EPHA3: variants seen among roughly 807,000 people sequenced by gnomAD.
EPHA3 encodes EPH receptor A3, also known as ephrin type-A receptor 3.
A neutral mutation model predicts 107.1 loss-of-function variants in EPHA3; 42 were observed. The observed-to-expected ratio is 0.39, with a 90% CI of 0.31 to 0.51. The LOEUF is 0.51. Among genes scored for constraint, EPHA3 ranks in the 20% least tolerant of loss-of-function variants. The pLI is 0.78. For missense variants in EPHA3, 1,183 were observed against 1,211.2 expected (o/e 0.98, Z 0.35); for synonymous variants, 461 against 424.8 (o/e 1.09, Z -1.05).
chr3:89,466,539 C>T (rs954209443), intron 15 of EPHA3, among the ~76,000 whole-genome samples: 7 of 133,460 alleles, frequency 5.2e-5, no homozygotes, highest in African/African-American at 1.5e-4. Context: ...TGTGGTGCGC[C>T]GTTTCTTAAG....
intron 13 of EPHA3, among the ~76,000 whole-genome samples, chr3:89,447,857 GCT>G (rs1709907057): frequency 6.6e-6 from 1 of 152,080 alleles, no homozygotes; most frequent in Non-Finnish European, 1.5e-5. Context: ...CCCCTAAATT[GCT>G]AATCCATTTG....
chr3:89,437,425 G>GAA (rs532123352), intron 13 of EPHA3, among the ~76,000 whole-genome samples: 2 of 145,270 alleles, frequency 1.4e-5, no homozygotes, highest in East Asian at 2.0e-4. Context: ...TTTTGTGTCT[G>GAA]AAAAAAAAAA....
intron 3 of EPHA3, among the ~76,000 whole-genome samples, chr3:89,281,004 A>ATTTTTTTTTTATTTATTTATTTAT (rs71105126): frequency 6.8e-6 from 1 of 147,364 alleles, no homozygotes; most frequent in African/African-American, 2.6e-5. Flanking sequence ...CAAGATTTTT[A>ATTTTTTTTTTATTTATTTATTTAT]TTATTTATTT....
intron 5 of EPHA3, among the ~76,000 whole-genome samples, chr3:89,365,327 G>C (rs1708166526): frequency 6.6e-6 from 1 of 150,862 alleles, no homozygotes; most frequent in Non-Finnish European, 1.5e-5. Context: ...AAAGGGCAAT[G>C]GTGGATGGAA....
chr3:89,187,456 T>C (rs2107133132), intron 2 of EPHA3, among the ~76,000 whole-genome samples: 1 of 150,824 alleles, frequency 6.6e-6, no homozygotes, highest in South Asian at 2.1e-4. Context: ...TAATTTATCT[T>C]ATTTAATGTG....
At chr3:89,471,146 G>A (rs1369146254) in intron 15 of EPHA3, among the ~76,000 whole-genome samples, 1 of 151,282 alleles carries the variant, frequency 6.6e-6, no homozygotes, top group African/African-American at 2.4e-5. Context: ...ATAAGTCAAA[G>A]GACAATTAAA....
intron 2 of EPHA3, among the ~76,000 whole-genome samples, chr3:89,151,464 C>G (rs1576186657): frequency 6.6e-6 from 1 of 152,018 alleles, no homozygotes. Context: ...TGGGTAGTGA[C>G]TGGCACTACA....
chr3:89,223,413 G>A (rs1704428028), intron 3 of EPHA3, among the ~76,000 whole-genome samples: 1 of 152,192 alleles, frequency 6.6e-6, no homozygotes, highest in East Asian at 1.9e-4. Context: ...TAAAACAGAT[G>A]AATGCTTGAA....
rs568390481 is a variant in EPHA3 at position 89,242,366 on chromosome 3, A to C, written c.814+31846A>C. Among the ~76,000 whole-genome samples, 161 of 152,328 alleles carry C rather than the reference A, an allele frequency of 1.1e-3. 1 individual carries two copies. The highest frequency in any genetic ancestry group is 1.9e-3 in the Non-Finnish European group (132 of 68,030). On this transcript the variant is annotated intron_variant, in intron 3 of 16. Coordinates refer to ENST00000336596, the MANE Select transcript of EPHA3 (RefSeq NM_005233.6). ...TGACTGTAAGTTTCAGTGTGAATAC[A>C]ATGTCCAAGTGTGCACTGCAACATA...
At chr3:89,205,103 C>G (rs1444307656) in intron 2 of EPHA3, among the ~76,000 whole-genome samples, 2 of 152,152 alleles carry the variant, frequency 1.3e-5, no homozygotes, top group African/African-American at 4.8e-5. Flanking sequence ...TCATGACTAT[C>G]TTGCAATCTT....
chr3:89,175,616 T>G (rs1705305239), intron 2 of EPHA3, among the ~76,000 whole-genome samples: 1 of 152,210 alleles, frequency 6.6e-6, no homozygotes, highest in African/African-American at 2.4e-5. Context: ...TTATGACATT[T>G]AAAAGATTAT....
At chr3:89,417,889 A>G (rs1244033308) in intron 10 of EPHA3, among the ~76,000 whole-genome samples, 2 of 151,476 alleles carry the variant, frequency 1.3e-5, no homozygotes, top group Non-Finnish European at 3.0e-5. Context: ...AAATTAAAGC[A>G]TAAGTCATTG....
chr3:89,369,786 C>T (rs1170363893), intron 5 of EPHA3, among the ~76,000 whole-genome samples: 2 of 149,168 alleles, frequency 1.3e-5, no homozygotes, highest in African/African-American at 5.0e-5. Flanking sequence ...CCAGAATCTA[C>T]AATGAACTCA....
In EPHA3 at chr3:89,400,090, T is replaced by C. The variant is rs569826043; in HGVS notation, c.1594+610T>C. The C allele has an allele frequency of 2.1e-4, 217 of 1,015,376 alleles. No homozygotes were observed. In the African/African-American group the frequency reaches 3.2e-3, roughly 15 times the overall value. 62.9% of individuals were successfully genotyped at this position (1,015,376 alleles called of 1,614,324 possible). On this transcript the variant is annotated intron_variant, in intron 7 of 16. Coordinates refer to ENST00000336596, the MANE Select transcript of EPHA3 (RefSeq NM_005233.6). Reference sequence around the variant, plus strand: ...TTTTCTTCATACTTAAAAAAGCCCTTTGCTAAAATATAATTTTCAAAAAGG... The same window carrying C: ...TTTTCTTCATACTTAAAAAAGCCCTCTGCTAAAATATAATTTTCAAAAAGG...
intron 15 of EPHA3, among the ~76,000 whole-genome samples, chr3:89,453,754 CCTT>C (rs1710042160): frequency 6.6e-6 from 1 of 152,110 alleles, no homozygotes; most frequent in South Asian, 2.1e-4. Context: ...AAAATGACCT[CCTT>C]CTTTAATTTT....
At position 89,419,234 on chromosome 3, in the gene EPHA3, T is replaced by G. The variant is rs549882703; in HGVS notation, c.1918T>G (p.Leu640Val). The G allele has an allele frequency of 6.2e-7, 1 of 1,609,674 alleles. No individual in the cohort carries two copies. Among genetic ancestry groups the G allele is most frequent in the Admixed American group, 1.7e-5 (1 of 59,610 alleles). The stretch of plus-strand genomic sequence containing the variant: ...ATTTGGAGAGGTGTGCAGTGGTCGC[T>G]TAAAACTTCCTTCAAAAAAAGAGAT... ...GEFGEVCSGRLKLPSKKEISV... is the reference protein window; with the variant it reads ...GEFGEVCSGRVKLPSKKEISV... Residue 640 changes from leucine (L) to valine (V), a missense_variant, in exon 11 of 17, where the codon TTA (leucine) becomes GTA (valine). By Grantham distance (32) the Leu-to-Val change is conservative. Transcript: ENST00000336596.
intron 5 of EPHA3, among the ~76,000 whole-genome samples, chr3:89,345,298 C>A (rs569295801): frequency 2.0e-5 from 3 of 151,398 alleles, no homozygotes; most frequent in Admixed American, 2.0e-4. Context: ...GCTTTTTCAA[C>A]ATTTCATCAA....
intron 3 of EPHA3, among the ~76,000 whole-genome samples, chr3:89,239,232 G>A (rs1704838508): frequency 6.6e-6 from 1 of 152,118 alleles, no homozygotes; most frequent in African/African-American, 2.4e-5. Flanking sequence ...ACTGCTCAAA[G>A]TAAATGCTGT....
chr3:89,193,726 AT>A (rs952455162), intron 2 of EPHA3, among the ~76,000 whole-genome samples: 1 of 152,014 alleles, frequency 6.6e-6, no homozygotes, highest in African/African-American at 2.4e-5. Flanking sequence ...TTAAAATAAT[AT>A]TTTAAATGAT....
Sources: allele counts gnomAD v4.1 joint callset (sites outside exome capture counted in the v4.1 genomes callset), GRCh38; gene constraint gnomAD v4.1.1; transcripts MANE v1.5; gene names NCBI Gene and HGNC (gene_info 2026-07-23, HGNC 2026-07-21).